CCDC62: variants seen among roughly 807,000 people sequenced by gnomAD.
The protein encoded by CCDC62 is coiled-coil domain containing 62.
CCDC62 carries 72 observed loss-of-function variants against 80.8 expected under a neutral mutation model. The ratio of observed to expected loss-of-function variants is 0.89; its 90% CI spans 0.74 to 1.08. The LOEUF (loss-of-function observed/expected upper bound fraction) is 1.08. CCDC62 is among the 50% of genes least tolerant of loss of function. CCDC62 has a pLI of 0.00. For synonymous variants in CCDC62, 286 were observed against 296.5 expected, an observed-to-expected ratio of 0.96 and a Z score of 0.36; for missense variants, 704 against 809.4, an observed-to-expected ratio of 0.87 and a Z score of 1.58.
chr12:122,814,680 G>A (rs1173055162), intron 11 of CCDC62, among the ~76,000 whole-genome samples: 1 of 151,624 alleles, frequency 6.6e-6, no homozygotes, highest in Non-Finnish European at 1.5e-5. Context: ...ACTAATTTTT[G>A]CATTTTTATT....
chr12:122,782,975 T>C (rs1173176484), intron 3 of CCDC62, among the ~76,000 whole-genome samples: 2 of 150,934 alleles, frequency 1.3e-5, no homozygotes, highest in African/African-American at 4.9e-5. Flanking sequence ...GGTGTGGTGG[T>C]GGGCACCTGT....
chr12:122,791,773 C>T (rs1029901887), intron 5 of CCDC62, among the ~76,000 whole-genome samples: 1 of 152,192 alleles, frequency 6.6e-6, no homozygotes, highest in African/African-American at 2.4e-5. Context: ...AAAGATTGCT[C>T]TGTGTACACT....
intron 6 of CCDC62, among the ~76,000 whole-genome samples, chr12:122,795,832 T>C (rs1187486479): frequency 1.3e-5 from 2 of 152,216 alleles, no homozygotes; most frequent in South Asian, 2.1e-4. Flanking sequence ...TGAGCTCTTA[T>C]AGACTGAGTG....
chr12:122,801,155 A>G lies in CCDC62; in HGVS notation c.1009A>G (p.Asn337Asp). 1 of 1,612,342 alleles carries G rather than the reference A, an allele frequency of 6.2e-7. No homozygotes were observed. The highest frequency in any genetic ancestry group is 2.2e-5 in the East Asian group (1 of 44,872). ...RDMCLSDLENNHPKVDIKREK... is the reference protein window; with the variant it reads ...RDMCLSDLENDHPKVDIKREK... ...CATGTGTTTATCAGACCTTGAAAAT[A>G]ACCACCCAAAAGTCGATATTAAGAG... Residue 337 changes from asparagine (N) to aspartate (D), a missense_variant, in exon 9 of 13, where the codon AAC becomes GAC. Asn to Asp is a conservative substitution (Grantham distance 23). Transcript: ENST00000253079.
chr12:122,826,632 C>T lies in CCDC62; in HGVS notation c.*251C>T. ...TATTTTCATGTGTAAGAAAGTAGAC[C>T]TTATTGTACATATAGAAAGTTGGAA... is the stretch of plus-strand genomic sequence containing the variant. On this transcript the variant is annotated 3_prime_UTR_variant, in exon 13 of 13. Transcript: ENST00000253079. The T allele has an allele frequency of 2.0e-6, 1 of 501,990 alleles. No individual in the cohort carries two copies. The highest frequency in any genetic ancestry group is 3.5e-6 in the Non-Finnish European group (1 of 284,488). The allele number at this position is 501,990 out of a possible 1,614,324, so 31.1% of individuals were successfully genotyped here. A position where few individuals can be genotyped will look rare whatever the true frequency, so the allele number is the denominator to read the frequency against.
At chr12:122,815,689 C>T (rs1178695911) in intron 11 of CCDC62, among the ~76,000 whole-genome samples, 4 of 152,018 alleles carry the variant, frequency 2.6e-5, no homozygotes, top group African/African-American at 7.2e-5. Flanking sequence ...CCTTGTGATC[C>T]GCCCGCCTCA....
intron 2 of CCDC62, among the ~76,000 whole-genome samples, chr12:122,778,126 G>A (rs1448020026): frequency 6.6e-6 from 1 of 152,050 alleles, no homozygotes; most frequent in Non-Finnish European, 1.5e-5. Flanking sequence ...CAGCACTTTG[G>A]CGGATCACTT....
intron 5 of CCDC62, among the ~76,000 whole-genome samples, chr12:122,789,134 G>A (rs370153141): frequency 5.9e-5 from 9 of 152,200 alleles, no homozygotes; most frequent in African/African-American, 1.4e-4. Flanking sequence ...ACTGCAGAAT[G>A]TATCATATTT....
chr12:122,813,616 C>T (rs2032038447), intron 11 of CCDC62, among the ~76,000 whole-genome samples, 197 bp downstream of exon 11: 1 of 152,084 alleles, frequency 6.6e-6, no homozygotes, highest in Non-Finnish European at 1.5e-5. Context: ...CTTCCTCTTT[C>T]TAATGATCTG....
At position 122,801,187 on chromosome 12, in the gene CCDC62, A is replaced by G; in HGVS notation, c.1041A>G (p.Lys347=). The G allele has an allele frequency of 6.2e-7, 1 of 1,614,034 alleles. No individual in the cohort carries two copies. The highest frequency in any genetic ancestry group is 8.5e-7 in the Non-Finnish European group (1 of 1,179,990). ...NHPKVDIKRE[K]NQKSLFKDQK... ...CAAAAGTCGATATTAAGAGGGAAAA[A>G]AATCAGAAGTCACTGTTTAAGGACC... is the stretch of plus-strand genomic sequence containing the variant. Residue 347 remains lysine (K), a synonymous_variant, in exon 9 of 13, where the codon AAA becomes AAG. Transcript: ENST00000253079.
rs370564852 is a variant in CCDC62 at position 122,798,953 on chromosome 12, G to A, written c.977+753G>A. Among the ~76,000 whole-genome samples, 28 of 151,032 alleles carry A rather than the reference G, an allele frequency of 1.9e-4. No individual in the cohort carries two copies. In the South Asian group the frequency reaches 3.6e-3, roughly 19 times the overall value. On this transcript the variant is annotated intron_variant, in intron 8 of 12. Coordinates refer to ENST00000253079, the MANE Select transcript of CCDC62 (RefSeq NM_201435.5). ...AAATTAGCCAGGCATGGTGGCAGGCGCCTGTAGTCCCAGCTATTCGGCAGG... is the reference window on the plus strand; with the variant it reads ...AAATTAGCCAGGCATGGTGGCAGGCACCTGTAGTCCCAGCTATTCGGCAGG...
At chr12:122,806,403 C>A in intron 10 of CCDC62, 108 bp downstream of exon 10, 2 of 582,472 alleles carry the variant, frequency 3.4e-6, no homozygotes, top group South Asian at 4.4e-5. Context: ...GCTATTCCTC[C>A]GTTTTTTTTT....
intron 11 of CCDC62, among the ~76,000 whole-genome samples, chr12:122,818,144 CA>C (rs1177245977): frequency 1.3e-5 from 2 of 151,696 alleles, no homozygotes; most frequent in Non-Finnish European, 2.9e-5. Flanking sequence ...TTTGTCTCTA[CA>C]AAAAATTCAA....
At chr12:122,791,637 C>CG (rs1014147890) in intron 5 of CCDC62, among the ~76,000 whole-genome samples, 2 of 151,960 alleles carry the variant, frequency 1.3e-5, no homozygotes, top group African/African-American at 2.4e-5. Flanking sequence ...TTAGTAGAGA[C>CG]GGGGTTTCAC....
At position 122,801,763 on chromosome 12, in the gene CCDC62, G is replaced by A; in HGVS notation, c.1617G>A (p.Lys539=). ...ACGTGGAGTGGATGAGTATTTTCAAGCCTTCCAAAATGCAGAGAATTGTCC... is the reference window on the plus strand; with the variant it reads ...ACGTGGAGTGGATGAGTATTTTCAAACCTTCCAAAATGCAGAGAATTGTCC... ...MSDVEWMSIF[K]PSKMQRIVRL... is the part of the protein sequence containing the mutation. The change falls in exon 9 of 13, where the codon AAG becomes AAA. Residue 539 remains lysine, a synonymous_variant. Coordinates refer to ENST00000253079, the MANE Select transcript of CCDC62 (RefSeq NM_201435.5). 6.2e-7 allele frequency: 1 copy of A among 1,614,158 alleles called. No homozygotes were observed. Among genetic ancestry groups the A allele is most frequent in the Non-Finnish European group, 8.5e-7 (1 of 1,180,018 alleles).
At chr12:122,824,851 G>A (rs59058900) in intron 12 of CCDC62, among the ~76,000 whole-genome samples, 10,250 of 152,096 alleles carry the variant, frequency 0.067, 636 homozygotes, top group African/African-American at 0.17. Flanking sequence ...TTGGGAGGCC[G>A]AGGCAGGCAG....
At position 122,826,563 on chromosome 12, in the gene CCDC62, A is replaced by T. The variant is rs1466182780; in HGVS notation, c.*182A>T. The T allele has an allele frequency of 1.5e-6, 1 of 672,508 alleles. No individual in the cohort carries two copies. Among genetic ancestry groups the T allele is most frequent in the East Asian group, 2.6e-5 (1 of 38,764 alleles). The allele number at this position is 672,508 out of a possible 1,614,324, so 41.7% of individuals were successfully genotyped here. A position where few individuals can be genotyped will look rare whatever the true frequency, so the allele number is the denominator to read the frequency against. ...AGAACTAGAAAGTTAATTTTTAAACATCTACACTTCATTTTCAAGTTAACC... is the reference window on the plus strand; with the variant it reads ...AGAACTAGAAAGTTAATTTTTAAACTTCTACACTTCATTTTCAAGTTAACC... On this transcript the variant is annotated 3_prime_UTR_variant, in exon 13 of 13. Transcript: ENST00000253079.
intron 1 of CCDC62, among the ~76,000 whole-genome samples, chr12:122,775,315 A>C (rs1020959200): frequency 5.3e-5 from 8 of 152,046 alleles, no homozygotes; most frequent in African/African-American, 4.8e-5. Context: ...TAGAGGAAGG[A>C]GCTCTCACAA....
At chr12:122,788,122 A>G (rs1410735671) in intron 4 of CCDC62, among the ~76,000 whole-genome samples, 1 of 152,192 alleles carries the variant, frequency 6.6e-6, no homozygotes, top group African/African-American at 2.4e-5. Flanking sequence ...AAACCTCTTA[A>G]TAACAGTTAT....
Sources: gnomAD v4.1 joint callset for allele counts (sites outside exome capture counted in the v4.1 genomes callset) on GRCh38, gnomAD v4.1.1 for gene constraint, MANE v1.5 for transcripts, NCBI Gene and HGNC (gene_info 2026-07-23, HGNC 2026-07-21) for gene names.